Variants in SKAP2 observed in about 807,000 individuals in gnomAD.
SKAP2 encodes the protein src kinase-associated phosphoprotein 2.
SKAP2 carries 28 observed loss-of-function variants against 54.9 expected under a neutral mutation model. The observed-to-expected ratio is 0.51, with a 90% confidence interval of 0.38 to 0.70. The LOEUF is 0.70. Among genes scored for constraint, SKAP2 ranks in the 30% least tolerant of loss-of-function variants. The pLI, the probability that SKAP2 is intolerant of heterozygous loss-of-function variation, is 0.00. For missense variants in SKAP2, 356 were observed against 424.1 expected, an observed-to-expected ratio of 0.84 and a Z score of 1.41; for synonymous variants, 137 against 134.3, an observed-to-expected ratio of 1.02 and a Z score of -0.14.
chr7:26,680,197 G>A (rs1786461067), intron 11 of SKAP2, among the ~76,000 whole-genome samples: 1 of 152,156 alleles, frequency 6.6e-6, no homozygotes. Context: ...GATGAGTACA[G>A]ATTGAAAGAT....
intron 10 of SKAP2, among the ~76,000 whole-genome samples, chr7:26,687,518 G>GA (rs373711015): frequency 2.6e-5 from 4 of 151,362 alleles, no homozygotes; most frequent in Non-Finnish European, 4.4e-5. Flanking sequence ...CTATAAAGCA[G>GA]AAAAAATCGT....
intron 4 of SKAP2, among the ~76,000 whole-genome samples, chr7:26,762,606 G>A (rs1782957685): frequency 6.6e-6 from 1 of 152,010 alleles, no homozygotes; most frequent in South Asian, 2.1e-4. Flanking sequence ...GAGAGGCTGA[G>A]GCGGGCAGAT....
At chr7:26,826,509 A>C (rs1402256333) in intron 4 of SKAP2, among the ~76,000 whole-genome samples, 11 of 152,202 alleles carry the variant, frequency 7.2e-5, no homozygotes, top group Non-Finnish European at 1.5e-5. Flanking sequence ...CCATTCAAAG[A>C]GTTCTGACCA....
intron 6 of SKAP2, among the ~76,000 whole-genome samples, chr7:26,734,148 C>A (rs1787876083): frequency 6.6e-6 from 1 of 152,178 alleles, no homozygotes; most frequent in African/African-American, 2.4e-5. Context: ...TAAATCCTCG[C>A]TCTGCCTCTC....
At chr7:26,795,781 C>A (rs141408959) in intron 4 of SKAP2, among the ~76,000 whole-genome samples, 176 of 152,210 alleles carry the variant, frequency 1.2e-3, no homozygotes, top group Admixed American at 3.4e-3. Flanking sequence ...AAAATCTCTC[C>A]CACTACCTGG....
At chr7:26,709,822 T>G (rs984335650) in intron 9 of SKAP2, among the ~76,000 whole-genome samples, 1 of 152,274 alleles carries the variant, frequency 6.6e-6, no homozygotes, top group African/African-American at 2.4e-5. Flanking sequence ...AACTGGTAAC[T>G]CAAGTTGGTT....
intron 11 of SKAP2, among the ~76,000 whole-genome samples, chr7:26,676,948 A>G (rs1786362831): frequency 1.3e-5 from 2 of 152,240 alleles, no homozygotes; most frequent in Admixed American, 1.3e-4. Context: ...TGCTGTGTTC[A>G]GTGAAGAGTA....
chr7:26,670,078 A>T lies in SKAP2; in HGVS notation c.*9+13T>A. ...ATGAGCTATTACAGAATATTGGATT[A>T]AAATGTACTTACCCAGGACTCTCAA... On this transcript the variant is annotated intron_variant, in intron 12 of 12. Transcript: ENST00000345317. 1 of 1,063,726 alleles carries T rather than the reference A, an allele frequency of 9.4e-7. No individual in the cohort carries two copies. Among genetic ancestry groups the T allele is most frequent in the Non-Finnish European group, 1.5e-6 (1 of 678,040 alleles). 65.9% of individuals were successfully genotyped at this position (1,063,726 alleles called of 1,614,324 possible).
chr7:26,825,580 TAAA>T (rs3069884), intron 4 of SKAP2, among the ~76,000 whole-genome samples: 148 of 129,082 alleles, frequency 1.1e-3, no homozygotes, highest in Admixed American at 1.3e-3. Context: ...AGCAAACAGT[TAAA>T]AAAAAAAAAA....
chr7:26,796,425 A>T (rs1783781338), intron 4 of SKAP2, among the ~76,000 whole-genome samples: 1 of 152,248 alleles, frequency 6.6e-6, no homozygotes. Context: ...TGTGGGTCTC[A>T]CATATTTTTT....
At chr7:26,776,036 T>C (rs1448573157) in intron 4 of SKAP2, among the ~76,000 whole-genome samples, 2 of 152,170 alleles carry the variant, frequency 1.3e-5, no homozygotes, top group East Asian at 1.9e-4. Context: ...CATATGCTGA[T>C]TGCATATTCA....
intron 4 of SKAP2, among the ~76,000 whole-genome samples, chr7:26,821,832 C>T (rs899989986): frequency 6.6e-6 from 1 of 152,178 alleles, no homozygotes; most frequent in Non-Finnish European, 1.5e-5. Context: ...ATCCTACACT[C>T]CGGTTCTTCC....
At chr7:26,842,128 G>T (rs1784828654) in intron 4 of SKAP2, among the ~76,000 whole-genome samples, 1 of 151,590 alleles carries the variant, frequency 6.6e-6, no homozygotes, top group Admixed American at 6.6e-5. Flanking sequence ...GATATTCTTA[G>T]AAGAAAATGT....
At chr7:26,762,161 C>T (rs1782947032) in intron 4 of SKAP2, among the ~76,000 whole-genome samples, 1 of 151,950 alleles carries the variant, frequency 6.6e-6, no homozygotes, top group Non-Finnish European at 1.5e-5. Context: ...TGCAGCTACT[C>T]GGGAGGCTGA....
downstream of SKAP2, among the ~76,000 whole-genome samples, chr7:26,665,566 C>T (rs1034658621): frequency 3.3e-5 from 5 of 152,062 alleles, no homozygotes; most frequent in Admixed American, 3.3e-4. Context: ...GTGTACCATG[C>T]TGGCAATAAA....
chr7:26,710,640 G>C (rs1787279982), intron 9 of SKAP2, among the ~76,000 whole-genome samples: 1 of 152,208 alleles, frequency 6.6e-6, no homozygotes, highest in Non-Finnish European at 1.5e-5. Context: ...GATTAGGCTA[G>C]ACTGTGAGAT....
chr7:26,680,026 C>T (rs559478956), intron 11 of SKAP2, among the ~76,000 whole-genome samples: 1 of 152,298 alleles, frequency 6.6e-6, no homozygotes, highest in Non-Finnish European at 1.5e-5. Context: ...GTCGCATATG[C>T]CCTAGACTAG....
chr7:26,773,728 A>C (rs1783238988), intron 4 of SKAP2, among the ~76,000 whole-genome samples: 1 of 152,236 alleles, frequency 6.6e-6, no homozygotes, highest in Non-Finnish European at 1.5e-5. Flanking sequence ...GGAGGCACAA[A>C]AACAAAGACA....
At chr7:26,741,142 A>G (rs1489773801) in intron 4 of SKAP2, among the ~76,000 whole-genome samples, 1 of 152,238 alleles carries the variant, frequency 6.6e-6, no homozygotes, top group Non-Finnish European at 1.5e-5. Context: ...GAGTACAAAC[A>G]TGTAATTAGA....
Sources: gnomAD v4.1 joint callset for allele counts (sites outside exome capture counted in the v4.1 genomes callset) on GRCh38, gnomAD v4.1.1 for gene constraint, MANE v1.5 for transcripts, NCBI Gene and HGNC (gene_info 2026-07-23, HGNC 2026-07-21) for gene names.